Variants in HDAC9 observed in about 807,000 individuals in gnomAD.
HDAC9 encodes histone deacetylase 9.
In HDAC9, 41 loss-of-function variants were observed where a neutral mutation model predicts 139.4. The ratio of observed to expected loss-of-function variants is 0.29; its 90% CI spans 0.23 to 0.38. The LOEUF is 0.38. Ranked by LOEUF, HDAC9 falls within the 10% of genes least tolerant of loss-of-function variation. The pLI, the probability that HDAC9 is intolerant of heterozygous loss-of-function variation, is 1.00. For synonymous variants in HDAC9, 517 were observed against 476.2 expected (o/e 1.09, Z -1.12); for missense variants, 1,147 against 1,297.0 (o/e 0.88, Z 1.78).
chr7:18,951,602 A>G (rs527975237), intron 23 of HDAC9, among the ~76,000 whole-genome samples: 8 of 150,990 alleles, frequency 5.3e-5, no homozygotes, highest in African/African-American at 1.9e-4. Context: ...TGTATAAATT[A>G]CTCCTTATTT....
intron 2 of HDAC9, among the ~76,000 whole-genome samples, chr7:18,513,490 C>T (rs1424028013): frequency 1.3e-5 from 2 of 152,138 alleles, no homozygotes; most frequent in African/African-American, 2.4e-5. Flanking sequence ...TAAGCTGATG[C>T]CTGAGTGACT....
chr7:18,906,921 A>G (rs1430872502), intron 22 of HDAC9: 1 of 152,240 alleles, frequency 6.6e-6, no homozygotes, highest in East Asian at 1.9e-4. Flanking sequence ...CCCTGATTTA[A>G]ACCTGTGATT....
At chr7:18,940,101 C>T (rs1471776203) in intron 23 of HDAC9, among the ~76,000 whole-genome samples, 1 of 152,092 alleles carries the variant, frequency 6.6e-6, no homozygotes, top group Non-Finnish European at 1.5e-5. Context: ...TTATGATCAG[C>T]AGAATAATAT....
chr7:18,101,654 T>A (rs889326247), intron 1 of HDAC9, among the ~76,000 whole-genome samples: 1 of 152,242 alleles, frequency 6.6e-6, no homozygotes, highest in South Asian at 2.1e-4. Context: ...TTAATTAACA[T>A]TTTATATTAC....
At chr7:18,140,850 T>C (rs2128109593) in intron 1 of HDAC9, among the ~76,000 whole-genome samples, 1 of 152,098 alleles carries the variant, frequency 6.6e-6, no homozygotes, top group African/African-American at 2.4e-5. Flanking sequence ...GCAATTTCTT[T>C]GACACAGCAT....
intron 1 of HDAC9, among the ~76,000 whole-genome samples, chr7:18,106,707 G>T (rs1783229643): frequency 6.6e-6 from 1 of 152,200 alleles, no homozygotes; most frequent in Admixed American, 6.5e-5. Context: ...GCCTGCTGCA[G>T]CCTCCCAGTG....
At chr7:18,290,134 TCTCCTCCTC>T (rs963996747), upstream of HDAC9, 4 of 186,006 alleles carry the variant, frequency 2.2e-5, no homozygotes, top group African/African-American at 7.0e-5. Flanking sequence ...TCTCTTTCCT[TCTCCTCCTC>T]CTCCTCCTCA....
chr7:18,716,847 C>T (rs1167717476), intron 12 of HDAC9, among the ~76,000 whole-genome samples: 1 of 152,192 alleles, frequency 6.6e-6, no homozygotes. Flanking sequence ...ATTCCCTCTG[C>T]TTCTGTTGGT....
intron 5 of HDAC9, among the ~76,000 whole-genome samples, chr7:18,593,590 T>G (rs1831603794): frequency 6.6e-6 from 1 of 152,148 alleles, no homozygotes. Context: ...ACTTTTCCCC[T>G]AGGGTGGCTC....
chr7:18,987,242 A>G (rs572288370), intron 25 of HDAC9, among the ~76,000 whole-genome samples: 1 of 152,214 alleles, frequency 6.6e-6, no homozygotes, highest in Non-Finnish European at 1.5e-5. Context: ...AATACGTCCC[A>G]TCAATACCTA....
chr7:18,543,861 C>A (rs909043813), intron 2 of HDAC9, among the ~76,000 whole-genome samples: 1 of 149,788 alleles, frequency 6.7e-6, no homozygotes, highest in African/African-American at 2.5e-5. Flanking sequence ...ATTTAAAAGT[C>A]CTGGACTCGT....
Position 18,734,697 on chromosome 7 carries a change from A to G in HDAC9, c.1909+6940A>G, listed in dbSNP as rs1464311319. On this transcript the variant is annotated intron_variant, in intron 13 of 25. Coordinates refer to ENST00000686413, the MANE Select transcript of HDAC9 (RefSeq NM_178425.4). ...TTGTGAATAGTGCTACAATAAACAT[A>G]CATGTGCATGTGTCTTTATAGTAGC... 3.9e-5 allele frequency among the ~76,000 whole-genome samples: 6 copies of G among 152,340 alleles called. No individual in the cohort carries two copies. In the East Asian group the frequency reaches 1.2e-3, roughly 29 times the overall value.
chr7:18,667,018 T>A (rs1453253581), intron 12 of HDAC9: 1 of 985,554 alleles, frequency 1.0e-6, no homozygotes, highest in Non-Finnish European at 1.2e-6. Context: ...TCTCTTTTTT[T>A]AGTTAAGTAG....
At chr7:18,347,547 G>A (rs904470475) in intron 1 of HDAC9, among the ~76,000 whole-genome samples, 4 of 152,102 alleles carry the variant, frequency 2.6e-5, no homozygotes, top group Non-Finnish European at 5.9e-5. Flanking sequence ...TAAACAAAGG[G>A]ATCTTAGACC....
intron 1 of HDAC9, among the ~76,000 whole-genome samples, chr7:18,107,577 A>G (rs1375138167): frequency 6.6e-6 from 1 of 152,152 alleles, no homozygotes; most frequent in African/African-American, 2.4e-5. Flanking sequence ...CTAATTCAAA[A>G]AGAGTAGAAG....
intron 3 of HDAC9, among the ~76,000 whole-genome samples, chr7:18,588,219 G>C (rs1210020202): frequency 2.6e-5 from 4 of 151,952 alleles, no homozygotes; most frequent in Non-Finnish European, 5.9e-5. Flanking sequence ...TTTTATTTTT[G>C]TTCTATTACT....
chr7:18,784,817 A>C (rs758374898), intron 16 of HDAC9, among the ~76,000 whole-genome samples: 6 of 152,116 alleles, frequency 3.9e-5, no homozygotes, highest in Non-Finnish European at 8.8e-5. Flanking sequence ...TAACAGAATG[A>C]ATCATGGCCA....
At chr7:18,453,859 C>T (rs1319835975) in intron 1 of HDAC9, among the ~76,000 whole-genome samples, 3 of 152,014 alleles carry the variant, frequency 2.0e-5, no homozygotes, top group Non-Finnish European at 4.4e-5. Context: ...CAGATGAAAA[C>T]CAGAGTCTCA....
At chr7:18,363,236 C>T (rs922118740) in intron 1 of HDAC9, among the ~76,000 whole-genome samples, 1 of 151,874 alleles carries the variant, frequency 6.6e-6, no homozygotes, top group Admixed American at 6.6e-5. Flanking sequence ...ATATAATTTC[C>T]CTCCTTACTT....
Sources: gnomAD v4.1 joint callset for allele counts (sites outside exome capture counted in the v4.1 genomes callset) on GRCh38, gnomAD v4.1.1 for gene constraint, MANE v1.5 for transcripts, NCBI Gene and HGNC (gene_info 2026-07-23, HGNC 2026-07-21) for gene names.